ZNF780A: variants seen among roughly 807,000 people sequenced by gnomAD.
ZNF780A encodes the protein zinc finger protein 780A.
ZNF780A carries 40 observed loss-of-function variants against 56.7 expected under a neutral mutation model. The observed-to-expected ratio is 0.71, with a 90% CI of 0.55 to 0.92. The LOEUF (loss-of-function observed/expected upper bound fraction) is 0.92, where lower values mean the gene tolerates loss of function less well. Ranked by LOEUF, ZNF780A falls within the 40% of genes least tolerant of loss-of-function variation. ZNF780A has a pLI of 0.00. For missense variants in ZNF780A, 672 were observed against 783.3 expected, an observed-to-expected ratio of 0.86 and a Z score of 1.70; for synonymous variants, 231 against 248.3, an observed-to-expected ratio of 0.93 and a Z score of 0.66.
chr19:40,075,458 A>C lies in ZNF780A; in HGVS notation c.984T>G (p.Thr328=), dbSNP rs1203812507. Residue 328 remains threonine, a synonymous_variant, in exon 6 of 6, where the codon ACT becomes ACG. Transcript: ENST00000683561. ...CTTTACATTCAAAGGGTTTCTCACCAGTATGAATTTGGCAATGTTCAATAA... is the reference window on the plus strand; with the variant it reads ...CTTTACATTCAAAGGGTTTCTCACCCGTATGAATTTGGCAATGTTCAATAA... ...YQLIEHCQIH[T]GEKPFECKEC... is the part of the protein sequence containing the mutation. 1 of 1,613,958 alleles carries C rather than the reference A, an allele frequency of 6.2e-7. No individual in the cohort carries two copies. The highest frequency in any genetic ancestry group is 1.3e-5 in the African/African-American group (1 of 74,890).
Position 40,075,934 on chromosome 19 carries a change from A to G in ZNF780A, c.508T>C (p.Cys170Arg). ...NTHKPYECKE[C>R]GKYFSRSANL... Reference sequence around the variant, plus strand: ...GCACTACGACTAAAGTATTTCCCACATTCCTTACATTCATACGGTTTATGT... The same window carrying G: ...GCACTACGACTAAAGTATTTCCCACGTTCCTTACATTCATACGGTTTATGT... The change falls in exon 6 of 6, where the codon TGT (cysteine) becomes CGT (arginine). Residue 170 changes from cysteine (C) to arginine (R), a missense_variant. Cys to Arg is a radical substitution (Grantham distance 180). Transcript: ENST00000683561. The G allele has an allele frequency of 3.1e-6, 5 of 1,614,124 alleles. No individual in the cohort carries two copies. The highest frequency in any genetic ancestry group is 4.2e-6 in the Non-Finnish European group (5 of 1,179,992).
intron 3 of ZNF780A, 25 bp from the exon 4 acceptor site, chr19:40,083,262 T>C (rs375224108): frequency 7.1e-5 from 115 of 1,610,678 alleles, no homozygotes; most frequent in Non-Finnish European, 9.2e-5. Flanking sequence ...ACATGTATAA[T>C]GGTGAAACTG....
intron 5 of ZNF780A, 121 bp downstream of exon 5, chr19:40,081,698 T>C (rs1374535465): frequency 1.3e-6 from 1 of 775,840 alleles, no homozygotes; most frequent in East Asian, 2.7e-5. Flanking sequence ...GGCATTTTTA[T>C]CCAACAGGAC....
chr19:40,084,869 C>A, intron 2 of ZNF780A, 71 bp from the exon 3 acceptor site: 1 of 1,515,918 alleles, frequency 6.6e-7, no homozygotes, highest in Middle Eastern at 1.7e-4. Context: ...ATTTTATCCT[C>A]CGTTCCTATT....
chr19:40,081,490 AT>A (rs972554243), intron 5 of ZNF780A, among the ~76,000 whole-genome samples: 2 of 151,726 alleles, frequency 1.3e-5, no homozygotes, highest in Admixed American at 6.6e-5. Flanking sequence ...CCAAGATCAG[AT>A]TACTGCACTC....
downstream of ZNF780A, chr19:40,072,245 A>G: frequency 4.8e-6 from 1 of 209,568 alleles, no homozygotes; most frequent in Non-Finnish European, 1.0e-5. Context: ...CCCCTACTAC[A>G]CCCCAATTCA....
At chr19:40,089,407 C>T in intron 2 of ZNF780A, 1 of 874,366 alleles carries the variant, frequency 1.1e-6, no homozygotes, top group Non-Finnish European at 1.6e-6. Context: ...ATTCCCAATG[C>T]TCCTGTTCTG....
intron 5 of ZNF780A, 67 bp downstream of exon 5, chr19:40,081,752 T>G: frequency 2.2e-6 from 3 of 1,356,306 alleles, no homozygotes; most frequent in East Asian, 2.3e-5. Flanking sequence ...CTCAAGTGTA[T>G]GACTCCTTTC....
chr19:40,078,699 A>T (rs1405481682), intron 5 of ZNF780A, among the ~76,000 whole-genome samples: 1 of 152,210 alleles, frequency 6.6e-6, no homozygotes. Flanking sequence ...TATAAAACAT[A>T]AATGAAGAAG....
chr19:40,075,214 T>C lies in ZNF780A; in HGVS notation c.1228A>G (p.Ile410Val), dbSNP rs1974040862. The change falls in exon 6 of 6, where the codon ATT becomes GTT. Residue 410 changes from isoleucine (I) to valine (V), a missense_variant. Coordinates refer to ENST00000683561, the MANE Select transcript of ZNF780A (RefSeq NM_001142578.2). ...TCATATGGTTTTATACCAGCATGAATACTCTGATGTTGAACAAGGTTTGAG... is the reference window on the plus strand; with the variant it reads ...TCATATGGTTTTATACCAGCATGAACACTCTGATGTTGAACAAGGTTTGAG... ...RSSNLVQHQS[I>V]HAGIKPYECK... 6.2e-7 allele frequency: 1 copy of C among 1,613,390 alleles called. No homozygotes were observed. The highest frequency in any genetic ancestry group is 1.3e-5 in the African/African-American group (1 of 74,698).
At chr19:40,085,160 C>G (rs559805880) in intron 2 of ZNF780A, 12 of 985,358 alleles carry the variant, frequency 1.2e-5, no homozygotes, top group East Asian at 1.1e-4. Context: ...CCTCCTCCCC[C>G]AGTCCCACCT....
downstream of ZNF780A, chr19:40,069,538 C>T (rs574380362): frequency 1.3e-5 from 2 of 152,274 alleles, no homozygotes; most frequent in Non-Finnish European, 2.9e-5. Context: ...CAACATATCA[C>T]TTTTGTACCA....
At chr19:40,077,616 AC>A (rs1336802449) in intron 5 of ZNF780A, among the ~76,000 whole-genome samples, 2 of 151,946 alleles carry the variant, frequency 1.3e-5, no homozygotes, top group Admixed American at 6.6e-5. Context: ...AAATATCTAA[AC>A]TATATCACTC....
At position 40,074,615 on chromosome 19, in the gene ZNF780A, A is replaced by G. The variant is rs748964133; in HGVS notation, c.1827T>C (p.Gly609=). The change falls in exon 6 of 6, where the codon GGT becomes GGC. Residue 609 remains glycine (G), a synonymous_variant. Coordinates refer to ENST00000683561, the MANE Select transcript of ZNF780A (RefSeq NM_001142578.2). The part of the protein sequence containing the change: ...QLIRHQKLHT[G]EKPFECKECG... ...ATTCCTTACATTCAAAGGGTTTCTCACCAGTATGCAATTTCTGATGTCGAA... is the reference window on the plus strand; with the variant it reads ...ATTCCTTACATTCAAAGGGTTTCTCGCCAGTATGCAATTTCTGATGTCGAA... 8.1e-6 allele frequency: 13 copies of G among 1,613,484 alleles called. No individual in the cohort carries two copies. In the South Asian group the frequency reaches 1.3e-4, roughly 16 times the overall value.
chr19:40,084,824 C>T (rs537267345), intron 2 of ZNF780A, 26 bp from the exon 3 acceptor site: 17 of 1,548,736 alleles, frequency 1.1e-5, no homozygotes, highest in Non-Finnish European at 1.5e-5. Context: ...AACAAAAAGG[C>T]CACAATTAAA....
rs377766742 is a variant in ZNF780A, at chr19:40,081,211, A to C, written c.232+608T>G. Among the ~76,000 whole-genome samples, 1,022 of 141,798 alleles carry C rather than the reference A, an allele frequency of 7.2e-3. 15 individuals are homozygous for C. The highest frequency in any genetic ancestry group is 0.03 in the African/African-American group (988 of 33,350). 93.0% of individuals were successfully genotyped at this position (141,798 alleles called of 152,430 possible). A position where few individuals can be genotyped will look rare whatever the true frequency, so the allele number is the denominator to read the frequency against. On this transcript the variant is annotated intron_variant, in intron 5 of 5. Transcript: ENST00000683561. The stretch of plus-strand genomic sequence containing the variant: ...TTCTCTGACAAGAGACTCAAATAAC[A>C]GGAAAAAAAAAAAAAATCCAATTAA...
intron 5 of ZNF780A, among the ~76,000 whole-genome samples, chr19:40,076,927 C>T (rs1327690405): frequency 6.6e-6 from 1 of 152,126 alleles, no homozygotes; most frequent in African/African-American, 2.4e-5. Context: ...TAGTCACCTC[C>T]AACACTAAGC....
chr19:40,079,451 C>T (rs2144933363), intron 5 of ZNF780A, among the ~76,000 whole-genome samples: 1 of 152,206 alleles, frequency 6.6e-6, no homozygotes, highest in African/African-American at 2.4e-5. Flanking sequence ...AGAAAATTAA[C>T]AAGAAACATT....
downstream of ZNF780A, chr19:40,072,345 C>G (rs938309526): frequency 6.5e-6 from 1 of 154,378 alleles, no homozygotes; most frequent in African/African-American, 2.4e-5. Flanking sequence ...ACAGGACTAG[C>G]AGGATTTCCT....
Sources: gnomAD v4.1 joint callset for allele counts (sites outside exome capture counted in the v4.1 genomes callset) on GRCh38, gnomAD v4.1.1 for gene constraint, MANE v1.5 for transcripts, NCBI Gene and HGNC (gene_info 2026-07-23, HGNC 2026-07-21) for gene names.